PRKCE: variants seen among roughly 807,000 people sequenced by gnomAD.
PRKCE encodes protein kinase C epsilon type.
A neutral mutation model predicts 85.4 loss-of-function variants in PRKCE; 16 were observed. The observed-to-expected ratio is 0.19, with a 90% confidence interval of 0.13 to 0.28. The LOEUF (loss-of-function observed/expected upper bound fraction) is 0.28. PRKCE is among the 10% of genes least tolerant of loss of function. PRKCE has a pLI of 1.00. For synonymous variants in PRKCE, 388 were observed against 371.5 expected (o/e 1.04, Z -0.51); for missense variants, 573 against 975.2 (o/e 0.59, Z 5.49).
intron 1 of PRKCE, among the ~76,000 whole-genome samples, chr2:45,661,528 T>TG (rs1223758129): frequency 3.9e-5 from 5 of 127,488 alleles, no homozygotes; most frequent in South Asian, 2.5e-4. Flanking sequence ...TTTTTGTTTT[T>TG]TGTTTTTTTT....
intron 10 of PRKCE, among the ~76,000 whole-genome samples, chr2:46,020,195 C>T (rs1047795422): frequency 4.6e-5 from 7 of 152,006 alleles, no homozygotes; most frequent in African/African-American, 1.7e-4. Context: ...GCCTCTGTTG[C>T]TTCAGTGTAT....
At chr2:45,704,850 A>G (rs1272962483) in intron 1 of PRKCE, among the ~76,000 whole-genome samples, 2 of 152,230 alleles carry the variant, frequency 1.3e-5, no homozygotes, top group African/African-American at 4.8e-5. Flanking sequence ...TTAAAGGGCT[A>G]TCAAATTTGG....
intron 10 of PRKCE, among the ~76,000 whole-genome samples, chr2:46,034,198 A>G (rs1707713950): frequency 1.3e-5 from 2 of 152,220 alleles, no homozygotes; most frequent in African/African-American, 4.8e-5. Flanking sequence ...TTATACCTCA[A>G]TGTTACTTGT....
In PRKCE at chr2:45,929,363, A is replaced by G. The variant is rs78589792; in HGVS notation, c.413-47066A>G. On this transcript the variant is annotated intron_variant, in intron 2 of 14. Transcript: ENST00000306156. ...CCGTTCCTCCCGGCGGAAGATGCCC[A>G]TATATAAATAATTTTACTCTTGTGC... Among the ~76,000 whole-genome samples the G allele has an allele frequency of 7.3e-3, 1,106 of 152,346 alleles. 19 individuals are homozygous for G. The highest frequency in any genetic ancestry group is 0.025 in the African/African-American group (1,053 of 41,572).
chr2:45,974,433 TA>T (rs1315332076), intron 2 of PRKCE, among the ~76,000 whole-genome samples: 3 of 152,120 alleles, frequency 2.0e-5, no homozygotes, highest in Non-Finnish European at 4.4e-5. Context: ...CCAGGTGGGC[TA>T]GGGGTCAAGA....
intron 10 of PRKCE, among the ~76,000 whole-genome samples, chr2:46,052,513 GA>G (rs34915481): frequency 1.3e-5 from 2 of 152,074 alleles, no homozygotes; most frequent in Non-Finnish European, 2.9e-5. Context: ...AACATAAATG[GA>G]AAAAACATTC....
Position 46,145,117 on chromosome 2 carries a change from T to C in PRKCE, c.1617T>C (p.Leu539=). ...GGGATTTGAAACTGGACAACATCCT[T>C]CTGGATGCAGAAGGTCACTGCAAGC... ...IYRDLKLDNI[L]LDAEGHCKLA... is the part of the protein sequence containing the mutation. The change falls in exon 12 of 15, where the codon CTT becomes CTC. Residue 539 remains leucine, a synonymous_variant. Coordinates refer to ENST00000306156, the MANE Select transcript of PRKCE (RefSeq NM_005400.3). The surrounding 1 kb of genome is among the most constrained non-coding windows in gnomAD (Gnocchi z 4.6). 1 of 1,599,760 alleles carries C rather than the reference T, an allele frequency of 6.3e-7. No homozygotes were observed. Among genetic ancestry groups the C allele is most frequent in the Non-Finnish European group, 8.5e-7 (1 of 1,179,950 alleles).
At chr2:45,969,811 A>G (rs1253497405) in intron 2 of PRKCE, among the ~76,000 whole-genome samples, 2 of 152,208 alleles carry the variant, frequency 1.3e-5, no homozygotes, top group Non-Finnish European at 2.9e-5. Context: ...TTCAGCCTGC[A>G]AATTTGCTTG....
chr2:46,164,797 GC>G (rs1394102113), intron 14 of PRKCE: 1 of 152,278 alleles, frequency 6.6e-6, no homozygotes, highest in African/African-American at 2.4e-5. Flanking sequence ...GCTGTACTCT[GC>G]CCAGGCTGGC....
intron 2 of PRKCE, among the ~76,000 whole-genome samples, chr2:45,973,704 G>T (rs1354556160): frequency 6.6e-6 from 1 of 152,142 alleles, no homozygotes; most frequent in African/African-American, 2.4e-5. Flanking sequence ...AAATTAATTG[G>T]TTGCCATATT....
At chr2:45,682,567 C>T (rs1294425828) in intron 1 of PRKCE, among the ~76,000 whole-genome samples, 2 of 152,102 alleles carry the variant, frequency 1.3e-5, no homozygotes, top group African/African-American at 4.8e-5. Context: ...ACTGGGATTA[C>T]AGGCACACAT....
chr2:45,771,583 A>T (rs4952770), intron 1 of PRKCE, among the ~76,000 whole-genome samples: 8 of 152,086 alleles, frequency 5.3e-5, no homozygotes, highest in African/African-American at 1.2e-4. Context: ...CCCATTGTGA[A>T]GTGGACTAAA....
intron 10 of PRKCE, among the ~76,000 whole-genome samples, chr2:46,021,789 C>G (rs1012268781): frequency 1.3e-5 from 2 of 152,168 alleles, no homozygotes; most frequent in African/African-American, 4.8e-5. Flanking sequence ...ATTCTCTCAC[C>G]TCTCCCCAAC....
At chr2:46,105,444 C>T (rs1574483761) in intron 11 of PRKCE, among the ~76,000 whole-genome samples, 2 of 105,352 alleles carry the variant, frequency 1.9e-5, no homozygotes, top group African/African-American at 5.8e-5. Flanking sequence ...TTATCTTTAT[C>T]TTTCCTTTTT....
At chr2:45,724,854 C>T (rs7568111) in intron 1 of PRKCE, among the ~76,000 whole-genome samples, 44,169 of 152,122 alleles carry the variant, frequency 0.29, 6,601 homozygotes, top group East Asian at 0.4. Context: ...TAGTTTATGA[C>T]GTTTAAGGAA....
In PRKCE at chr2:46,138,343, G is replaced by A. The variant is rs1176723211; in HGVS notation, c.1593-6750G>A. Reference sequence around the variant, plus strand: ...ACGTCTGTCATTTTATCTAATAGGTGGTCACGGGCAGTTATGTAGGGTCAG... The same window carrying A: ...ACGTCTGTCATTTTATCTAATAGGTAGTCACGGGCAGTTATGTAGGGTCAG... On this transcript the variant is annotated intron_variant, in intron 11 of 14. Coordinates refer to ENST00000306156, the MANE Select transcript of PRKCE (RefSeq NM_005400.3). This position sits in a 1 kb window ranked among gnomAD's most constrained non-coding sequence, Gnocchi z 4.2. 6.6e-6 allele frequency among the ~76,000 whole-genome samples: 1 copy of A among 152,158 alleles called. No individual in the cohort carries two copies. Among genetic ancestry groups the A allele is most frequent in the Non-Finnish European group, 1.5e-5 (1 of 68,040 alleles).
chr2:46,090,781 A>T (rs1670094758), intron 11 of PRKCE, among the ~76,000 whole-genome samples: 1 of 148,618 alleles, frequency 6.7e-6, no homozygotes, highest in Non-Finnish European at 1.5e-5. Flanking sequence ...TATGAGGTTG[A>T]TGGAGAAGCT....
chr2:46,060,199 C>G (rs1411612393), intron 10 of PRKCE, among the ~76,000 whole-genome samples: 2 of 152,160 alleles, frequency 1.3e-5, no homozygotes, highest in African/African-American at 4.8e-5. Context: ...TATCTTTTCT[C>G]TAGGGAACAT....
intron 10 of PRKCE, among the ~76,000 whole-genome samples, chr2:46,085,749 GTTTTTGTTTTTTTTT>G (rs1669566961): frequency 5.4e-5 from 1 of 18,660 alleles, no homozygotes; most frequent in South Asian, 3.2e-3. Flanking sequence ...TTTTTTTTTT[GTTTTTGTTTTTTTTT>G]TTTTTTTTAG....
Sources: gnomAD v4.1 joint callset for allele counts (sites outside exome capture counted in the v4.1 genomes callset) on GRCh38, gnomAD v4.1.1 for gene constraint, Gnocchi (gnomAD v3.1) non-coding constraint, MANE v1.5 for transcripts, NCBI Gene and HGNC (gene_info 2026-07-23, HGNC 2026-07-21) for gene names.